The following SLC2A13 variants were observed in gnomAD, a reference collection of about 807,000 sequenced individuals.
SLC2A13 encodes solute carrier family 2 member 13.
A neutral mutation model predicts 64.4 loss-of-function variants in SLC2A13; 32 were observed. The observed-to-expected ratio is 0.50, with a 90% CI of 0.37 to 0.67. The LOEUF (loss-of-function observed/expected upper bound fraction) is 0.67, where lower values mean the gene tolerates loss of function less well. Among genes scored for constraint, SLC2A13 ranks in the 30% least tolerant of loss-of-function variants. The probability of loss-of-function intolerance (pLI) is 0.00; values close to 1 mark genes in which losing one functional copy is unlikely to be tolerated. For missense variants in SLC2A13, 743 were observed against 829.2 expected (o/e 0.90, Z 1.28); for synonymous variants, 338 against 327.1 (o/e 1.03, Z -0.36).
In SLC2A13 at chr12:40,105,635, G is replaced by GCCGCCC; in HGVS notation, c.168_173dup (p.Gly59_Gly60dup). 1 of 1,485,078 alleles carries GCCGCCC rather than the reference G, an allele frequency of 6.7e-7. No homozygotes were observed. Among genetic ancestry groups the GCCGCCC allele is most frequent in the Non-Finnish European group, 8.9e-7 (1 of 1,121,660 alleles). The allele number at this position is 1,485,078 out of a possible 1,614,324, so 92.0% of individuals were successfully genotyped here. On this transcript the variant is annotated inframe_insertion, in exon 1 of 10. Transcript: ENST00000280871. This position sits in a 1 kb window ranked among gnomAD's most constrained non-coding sequence, Gnocchi z 4.2. Reference sequence around the variant, plus strand: ...CGCGCTCCAGGTCCCCGACGCCGCCGCCGCCCGCGCCCGCGCTCTGCAGGC... The same window carrying GCCGCCC: ...CGCGCTCCAGGTCCCCGACGCCGCCGCCGCCCCCGCCCGCGCCCGCGCTCTGCAGGC...
intron 4 of SLC2A13, among the ~76,000 whole-genome samples, chr12:39,878,299 T>C (rs1349758027): frequency 1.3e-5 from 2 of 151,846 alleles, no homozygotes; most frequent in African/African-American, 2.4e-5. Flanking sequence ...TGGGCAGAGG[T>C]TGGAAGAATT....
chr12:39,842,396 T>C (rs1179758860), intron 6 of SLC2A13, among the ~76,000 whole-genome samples: 1 of 152,110 alleles, frequency 6.6e-6, no homozygotes, highest in Non-Finnish European at 1.5e-5. Context: ...AAATCAGATA[T>C]TTTTTCTACT....
At chr12:40,098,493 T>A (rs991982797) in intron 1 of SLC2A13, among the ~76,000 whole-genome samples, 2 of 152,216 alleles carry the variant, frequency 1.3e-5, no homozygotes, top group African/African-American at 4.8e-5. Flanking sequence ...TTATGTGTTC[T>A]TTACCACAAT....
rs369491160 is a variant in SLC2A13, at chr12:40,026,980, C to T, written c.925+1321G>A. Among the ~76,000 whole-genome samples, 3 of 151,252 alleles carry T rather than the reference C, an allele frequency of 2.0e-5. No individual in the cohort carries two copies. In the East Asian group the frequency reaches 5.9e-4, roughly 30 times the overall value. ...CTATAATCCCAGCTACTCGGGAGGC[C>T]GAGGCAGGAGAATCACTTGAACTCG... On this transcript the variant is annotated intron_variant, in intron 3 of 9. Coordinates refer to ENST00000280871, the MANE Select transcript of SLC2A13 (RefSeq NM_052885.4).
intron 3 of SLC2A13, among the ~76,000 whole-genome samples, chr12:40,005,912 G>A (rs1032634580): frequency 3.3e-5 from 5 of 152,134 alleles, no homozygotes; most frequent in African/African-American, 9.7e-5. Context: ...AGCTTCCAAC[G>A]TAAGGCCCTA....
intron 6 of SLC2A13, among the ~76,000 whole-genome samples, chr12:39,847,366 C>G (rs570679716): frequency 3.9e-5 from 6 of 152,090 alleles, no homozygotes; most frequent in African/African-American, 1.4e-4. Flanking sequence ...CTCCTCCCGA[C>G]TGCTAGACAA....
At chr12:39,879,900 T>A (rs1944297476) in intron 4 of SLC2A13, among the ~76,000 whole-genome samples, 1 of 152,178 alleles carries the variant, frequency 6.6e-6, no homozygotes, top group Admixed American at 6.5e-5. Context: ...AATCTCATGT[T>A]GAATTGTAAT....
At chr12:39,953,118 A>T (rs936276989) in intron 3 of SLC2A13, among the ~76,000 whole-genome samples, 2 of 152,152 alleles carry the variant, frequency 1.3e-5, no homozygotes, top group Non-Finnish European at 2.9e-5. Flanking sequence ...TCACTATTAA[A>T]CTGTATCATG....
At chr12:39,961,221 G>A (rs192665249) in intron 3 of SLC2A13, among the ~76,000 whole-genome samples, 1 of 151,818 alleles carries the variant, frequency 6.6e-6, no homozygotes, top group South Asian at 2.1e-4. Context: ...GGAACTACAG[G>A]TGCACGCCAC....
rs915144278 is a variant in SLC2A13 at position 39,994,397 on chromosome 12, C to CAAAAAAAAACA, written c.925+33903_925+33904insTGTTTTTTTTT. 6.4e-5 allele frequency among the ~76,000 whole-genome samples: 9 copies of CAAAAAAAAACA among 140,144 alleles called. No homozygotes were observed. In the East Asian group the frequency reaches 1.9e-3, roughly 29 times the overall value. 91.9% of individuals were successfully genotyped at this position (140,144 alleles called of 152,430 possible). On this transcript the variant is annotated intron_variant, in intron 3 of 9. Transcript: ENST00000280871. ...GACTCCATCTCAAAAAAAAAAAAAA[C>CAAAAAAAAACA]AAAAAAAAACTAATCTCACACTTCA...
chr12:40,066,773 G>A (rs1454199956), intron 1 of SLC2A13, among the ~76,000 whole-genome samples: 1 of 152,182 alleles, frequency 6.6e-6, no homozygotes, highest in African/African-American at 2.4e-5. Flanking sequence ...CATGAACTAA[G>A]CTTGCAAGTT....
chr12:39,868,742 A>G (rs1263911346), intron 5 of SLC2A13, among the ~76,000 whole-genome samples: 3 of 152,218 alleles, frequency 2.0e-5, no homozygotes, highest in African/African-American at 7.2e-5. Flanking sequence ...AGAATTTGTC[A>G]TTAAATTTGT....
intron 3 of SLC2A13, among the ~76,000 whole-genome samples, chr12:40,010,673 T>C (rs1199706172): frequency 3.3e-5 from 5 of 152,242 alleles, no homozygotes; most frequent in Non-Finnish European, 7.3e-5. Flanking sequence ...TTATTGAATC[T>C]TTCCAAAACA....
chr12:39,999,238 A>C (rs551970408), intron 3 of SLC2A13, among the ~76,000 whole-genome samples: 70 of 152,304 alleles, frequency 4.6e-4, no homozygotes, highest in African/African-American at 1.6e-3. Flanking sequence ...CTTGAAAAAG[A>C]ACAGAATAAC....
At chr12:39,950,229 T>C (rs1946204087) in intron 4 of SLC2A13, 1 of 152,108 alleles carries the variant, frequency 6.6e-6, no homozygotes, top group Non-Finnish European at 1.5e-5. Context: ...ACTAAATAAC[T>C]CATCATATCT....
At chr12:40,060,173 A>G (rs748249397) in intron 1 of SLC2A13, among the ~76,000 whole-genome samples, 1 of 152,128 alleles carries the variant, frequency 6.6e-6, no homozygotes, top group Admixed American at 6.6e-5. Context: ...AGTAACACAG[A>G]CATATAGACA....
chr12:39,879,362 AC>A (rs1383623597), intron 4 of SLC2A13, among the ~76,000 whole-genome samples: 2 of 152,084 alleles, frequency 1.3e-5, no homozygotes, highest in African/African-American at 2.4e-5. Flanking sequence ...GGCAGCTTGC[AC>A]CCTGCGTCTG....
chr12:39,777,827 A>G (rs1940830373), intron 7 of SLC2A13, among the ~76,000 whole-genome samples: 1 of 152,198 alleles, frequency 6.6e-6, no homozygotes, highest in South Asian at 2.1e-4. Flanking sequence ...AACCTGCTCA[A>G]TAAAACCTTG....
intron 7 of SLC2A13, among the ~76,000 whole-genome samples, chr12:39,797,739 C>CAT (rs775359739): frequency 1.0e-4 from 3 of 29,726 alleles, no homozygotes; most frequent in African/African-American, 2.2e-4. Context: ...CACACACACA[C>CAT]ACACACACAC....
Sources: gnomAD v4.1 joint callset for allele counts (sites outside exome capture counted in the v4.1 genomes callset) on GRCh38, gnomAD v4.1.1 for gene constraint, Gnocchi (gnomAD v3.1) non-coding constraint, MANE v1.5 for transcripts, NCBI Gene and HGNC (gene_info 2026-07-23, HGNC 2026-07-21) for gene names.